RCAN2: variants seen among roughly 807,000 people sequenced by gnomAD.
The protein encoded by RCAN2 is calcipressin-2.
Under a neutral mutation model 23.6 loss-of-function variants are expected in RCAN2, and 9 were observed. The ratio of observed to expected loss-of-function variants is 0.38; its 90% CI spans 0.23 to 0.67. The LOEUF (loss-of-function observed/expected upper bound fraction) is 0.67, where lower values mean the gene tolerates loss of function less well. Among genes scored for constraint, RCAN2 ranks in the 30% least tolerant of loss-of-function variants. The probability of loss-of-function intolerance (pLI) is 0.51; values close to 1 mark genes in which losing one functional copy is unlikely to be tolerated. For synonymous variants in RCAN2, 109 were observed against 115.7 expected, an observed-to-expected ratio of 0.94 and a Z score of 0.37; for missense variants, 273 against 302.3, an observed-to-expected ratio of 0.90 and a Z score of 0.72.
chr6:46,228,019 C>T (rs971709026), intron 4 of RCAN2, among the ~76,000 whole-genome samples: 4 of 152,176 alleles, frequency 2.6e-5, no homozygotes, highest in Admixed American at 2.0e-4. Flanking sequence ...TTTCTGCCTT[C>T]ATTTCCTTAT....
intron 1 of RCAN2, among the ~76,000 whole-genome samples, chr6:46,457,999 A>C (rs1236269207): frequency 6.6e-6 from 1 of 152,146 alleles, no homozygotes; most frequent in East Asian, 1.9e-4. Flanking sequence ...ACCGATTTTC[A>C]TGACTGTGAT....
intron 2 of RCAN2, among the ~76,000 whole-genome samples, chr6:46,267,418 C>T (rs185770638): frequency 5.5e-4 from 84 of 152,260 alleles, no homozygotes; most frequent in Admixed American, 1.2e-3. Context: ...TGGTGGTTCA[C>T]GCCTATAATC....
At chr6:46,338,546 G>A (rs544930863) in intron 2 of RCAN2, among the ~76,000 whole-genome samples, 3 of 152,144 alleles carry the variant, frequency 2.0e-5, no homozygotes, top group Non-Finnish European at 2.9e-5. Flanking sequence ...AGTATAGAAA[G>A]TGCATTAGAA....
At chr6:46,402,140 C>A (rs1031333904) in intron 2 of RCAN2, among the ~76,000 whole-genome samples, 33 of 152,092 alleles carry the variant, frequency 2.2e-4, no homozygotes, top group Admixed American at 1.7e-3. Flanking sequence ...GCTGAAGCAG[C>A]AAAAGTTTAA....
chr6:46,343,093 G>A (rs920155993), intron 2 of RCAN2, among the ~76,000 whole-genome samples: 15 of 152,048 alleles, frequency 9.9e-5, no homozygotes, highest in Admixed American at 9.8e-4. Context: ...ACACCTAGAT[G>A]TGTCATAAAC....
At chr6:46,463,450 A>G (rs1012108085) in intron 1 of RCAN2, among the ~76,000 whole-genome samples, 1 of 152,228 alleles carries the variant, frequency 6.6e-6, no homozygotes, top group African/African-American at 2.4e-5. Flanking sequence ...TAGTGGTGAT[A>G]TCCAATAAGA....
At chr6:46,316,501 A>T (rs1763442090) in intron 2 of RCAN2, among the ~76,000 whole-genome samples, 1 of 152,192 alleles carries the variant, frequency 6.6e-6, no homozygotes, top group Non-Finnish European at 1.5e-5. Context: ...TCAGCAAAGG[A>T]AGCCTCTTTA....
chr6:46,437,382 T>C (rs1286458287), intron 2 of RCAN2, among the ~76,000 whole-genome samples: 1 of 152,214 alleles, frequency 6.6e-6, no homozygotes, highest in Non-Finnish European at 1.5e-5. Context: ...TATCCTAAAA[T>C]AAGGGATCTA....
At chr6:46,430,285 A>C (rs2150416511) in intron 2 of RCAN2, among the ~76,000 whole-genome samples, 1 of 151,528 alleles carries the variant, frequency 6.6e-6, no homozygotes, top group African/African-American at 2.4e-5. Context: ...CATCAGGATT[A>C]GCTACAGAAT....
At chr6:46,455,516 A>G (rs1216330974) in intron 2 of RCAN2, among the ~76,000 whole-genome samples, 2 of 152,028 alleles carry the variant, frequency 1.3e-5, no homozygotes, top group Non-Finnish European at 2.9e-5. Flanking sequence ...GCAACCATAA[A>G]GCCTACTCTT....
chr6:46,399,063 A>T (rs1365857565), intron 2 of RCAN2, among the ~76,000 whole-genome samples: 1 of 152,110 alleles, frequency 6.6e-6, no homozygotes. Flanking sequence ...TTCAGACTGC[A>T]CATTCCTCAA....
chr6:46,240,789 A>G (rs888106770), intron 4 of RCAN2, among the ~76,000 whole-genome samples: 8 of 152,216 alleles, frequency 5.3e-5, no homozygotes, highest in Admixed American at 5.2e-4. Context: ...TTAATGGAAT[A>G]TCTTTTCCCA....
At chr6:46,434,105 T>G (rs1002064826) in intron 2 of RCAN2, among the ~76,000 whole-genome samples, 16 of 152,366 alleles carry the variant, frequency 1.1e-4, no homozygotes, top group Non-Finnish European at 1.8e-4. Flanking sequence ...ATGTGCTGAT[T>G]GCCCAGTATG....
intron 2 of RCAN2, among the ~76,000 whole-genome samples, chr6:46,276,132 G>A (rs915633509): frequency 6.6e-6 from 1 of 152,170 alleles, no homozygotes; most frequent in Non-Finnish European, 1.5e-5. Context: ...CTTGAACCTA[G>A]GAGGTGGAGG....
chr6:46,243,387 A>G (rs1766375905), intron 4 of RCAN2, among the ~76,000 whole-genome samples: 1 of 152,214 alleles, frequency 6.6e-6, no homozygotes, highest in Admixed American at 6.5e-5. Context: ...CCATGGACAC[A>G]ATATCAGTCA....
rs530903694 is a variant in RCAN2 at position 46,411,808 on chromosome 6, A to G, written c.225+44944T>C. Among the ~76,000 whole-genome samples, 13 of 151,994 alleles carry G rather than the reference A, an allele frequency of 8.6e-5. No homozygotes were observed. In the South Asian group the frequency reaches 2.1e-3, roughly 24 times the overall value. On this transcript the variant is annotated intron_variant, in intron 2 of 4. Coordinates refer to ENST00000371374, the MANE Select transcript of RCAN2 (RefSeq NM_001251974.2). ...GAAAGACCAGTTGGTTCAAGAAACA[A>G]AAAAAATTATGTGCAGAAATGTAAT...
chr6:46,368,503 AGAGT>A (rs1765237389), intron 2 of RCAN2, among the ~76,000 whole-genome samples: 1 of 152,226 alleles, frequency 6.6e-6, no homozygotes, highest in Non-Finnish European at 1.5e-5. Flanking sequence ...TGAGCATCAT[AGAGT>A]GTACTTACAC....
chr6:46,235,456 G>A (rs6931336), intron 4 of RCAN2, among the ~76,000 whole-genome samples: 5,959 of 152,208 alleles, frequency 0.039, 411 homozygotes, highest in African/African-American at 0.13. Context: ...ATGAGCCCCA[G>A]TTCCTGCCCT....
At chr6:46,244,526 A>G (rs1001557865) in intron 4 of RCAN2, among the ~76,000 whole-genome samples, 5 of 152,204 alleles carry the variant, frequency 3.3e-5, no homozygotes, top group African/African-American at 1.2e-4. Context: ...AATGCTGACA[A>G]CAACTAATGT....
Sources: allele counts gnomAD v4.1 joint callset (sites outside exome capture counted in the v4.1 genomes callset), GRCh38; gene constraint gnomAD v4.1.1; transcripts MANE v1.5; gene names NCBI Gene and HGNC (gene_info 2026-07-23, HGNC 2026-07-21).